The following MOB3B variants were observed in gnomAD, a reference collection of about 807,000 sequenced individuals.
The protein encoded by MOB3B is MOB kinase activator-like 2B.
Under a neutral mutation model 18.7 loss-of-function variants are expected in MOB3B, and 7 were observed. The ratio of observed to expected loss-of-function variants is 0.37; its 90% CI spans 0.21 to 0.70. MOB3B has a LOEUF of 0.70. Ranked by LOEUF, MOB3B falls within the 30% of genes least tolerant of loss-of-function variation. MOB3B has a pLI of 0.52. For missense variants in MOB3B, 253 were observed against 281.3 expected, an observed-to-expected ratio of 0.90 and a Z score of 0.72; for synonymous variants, 111 against 99.9, an observed-to-expected ratio of 1.11 and a Z score of -0.66.
chr9:27,435,652 T>A (rs1464568094), intron 2 of MOB3B, among the ~76,000 whole-genome samples: 1 of 152,140 alleles, frequency 6.6e-6, no homozygotes, highest in African/African-American at 2.4e-5. Context: ...CAGGCTGGAG[T>A]GCAGTGGCGC....
chr9:27,402,017 T>C (rs1256889977), intron 2 of MOB3B, among the ~76,000 whole-genome samples: 3 of 152,232 alleles, frequency 2.0e-5, no homozygotes, highest in Non-Finnish European at 4.4e-5. Context: ...TCAAATAAAC[T>C]GAGTTCTGCC....
chr9:27,339,793 C>T lies in MOB3B; in HGVS notation c.622-9177G>A, dbSNP rs147945402. The stretch of plus-strand genomic sequence containing the variant: ...TCTACATGTGCTGTTTCAGTTGAGT[C>T]TCTGAATCAGCGGCTGTACCACACC... On this transcript the variant is annotated intron_variant, in intron 3 of 3. Transcript: ENST00000262244. 2.2e-3 allele frequency among the ~76,000 whole-genome samples: 335 copies of T among 152,320 alleles called. 2 individuals are homozygous for T. Among genetic ancestry groups the T allele is most frequent in the African/African-American group, 7.6e-3 (317 of 41,564 alleles).
intron 1 of MOB3B, among the ~76,000 whole-genome samples, chr9:27,522,103 A>G (rs1315168735): frequency 6.6e-6 from 1 of 151,678 alleles, no homozygotes; most frequent in Admixed American, 6.6e-5. Context: ...TTAACGAGAC[A>G]TGGTGACGCG....
At chr9:27,376,329 T>TA (rs2131370929) in intron 2 of MOB3B, among the ~76,000 whole-genome samples, 1 of 152,364 alleles carries the variant, frequency 6.6e-6, no homozygotes, top group Admixed American at 6.5e-5. Flanking sequence ...CATTTTACAT[T>TA]AAGAGTTCAT....
chr9:27,365,091 A>T (rs1392116392), intron 2 of MOB3B, among the ~76,000 whole-genome samples: 2 of 150,672 alleles, frequency 1.3e-5, no homozygotes, highest in African/African-American at 4.9e-5. Flanking sequence ...CATCGATCAA[A>T]ATTGAATCAG....
intron 3 of MOB3B, among the ~76,000 whole-genome samples, chr9:27,344,564 C>A (rs751592738): frequency 6.6e-6 from 1 of 152,172 alleles, no homozygotes; most frequent in Non-Finnish European, 1.5e-5. Flanking sequence ...CAAAGGCTGT[C>A]GTAGCCGTCA....
At chr9:27,474,389 C>T (rs2131470294) in intron 1 of MOB3B, among the ~76,000 whole-genome samples, 1 of 152,272 alleles carries the variant, frequency 6.6e-6, no homozygotes, top group East Asian at 1.9e-4. Context: ...GTGGAACTTC[C>T]CTAGACATCA....
intron 1 of MOB3B, among the ~76,000 whole-genome samples, chr9:27,472,925 T>C (rs1819495362): frequency 6.6e-6 from 1 of 152,216 alleles, no homozygotes; most frequent in Admixed American, 6.5e-5. Context: ...AAAAGAAGCA[T>C]CTAAAAGTCA....
At chr9:27,368,023 C>T (rs1821362844) in intron 2 of MOB3B, among the ~76,000 whole-genome samples, 1 of 152,068 alleles carries the variant, frequency 6.6e-6, no homozygotes, top group Non-Finnish European at 1.5e-5. Flanking sequence ...ATGTGAAAAT[C>T]CCTCTACAAG....
chr9:27,442,749 G>T (rs530845555), intron 2 of MOB3B, among the ~76,000 whole-genome samples: 1 of 152,170 alleles, frequency 6.6e-6, no homozygotes, highest in Non-Finnish European at 1.5e-5. Context: ...TGCCAGCCCA[G>T]TTTGACTTTG....
At position 27,494,118 on chromosome 9, in the gene MOB3B, C is replaced by G. The variant is rs559433344; in HGVS notation, c.-199+35437G>C. On this transcript the variant is annotated intron_variant, in intron 1 of 3. Transcript: ENST00000262244. ...CCCAGTCTCCCATAGTGCTCCCAGG[C>G]TTATTAGGAAGAGGAAATTCCTGCC... Among the ~76,000 whole-genome samples the G allele has an allele frequency of 5.9e-5, 9 of 152,278 alleles. No individual in the cohort carries two copies. The South Asian group carries it at 1.9e-3, about 32-fold the overall frequency.
chr9:27,422,284 AT>A (rs1219724640), intron 2 of MOB3B, among the ~76,000 whole-genome samples: 1 of 152,238 alleles, frequency 6.6e-6, no homozygotes, highest in African/African-American at 2.4e-5. Flanking sequence ...CAGTTCATTC[AT>A]TTAATCTTCC....
At chr9:27,341,899 A>G (rs991769197) in intron 3 of MOB3B, among the ~76,000 whole-genome samples, 2 of 152,236 alleles carry the variant, frequency 1.3e-5, no homozygotes, top group African/African-American at 4.8e-5. Flanking sequence ...AGAAAATGAC[A>G]GTTCATGGGT....
intron 2 of MOB3B, among the ~76,000 whole-genome samples, chr9:27,393,748 T>A (rs1821761768): frequency 6.6e-6 from 1 of 152,156 alleles, no homozygotes; most frequent in South Asian, 2.1e-4. Context: ...ACTTTCCAGA[T>A]GAAGAAACCA....
At chr9:27,442,050 T>C (rs954940911) in intron 2 of MOB3B, among the ~76,000 whole-genome samples, 24 of 152,208 alleles carry the variant, frequency 1.6e-4, no homozygotes, top group African/African-American at 5.8e-4. Context: ...TTACTCTCTT[T>C]ACTCAAAAAT....
intron 2 of MOB3B, among the ~76,000 whole-genome samples, chr9:27,419,052 G>A (rs974964028): frequency 8.7e-6 from 1 of 115,344 alleles, no homozygotes; most frequent in South Asian, 3.3e-4. Flanking sequence ...CCCCTTTTAC[G>A]ATAGCTGCAA....
intron 3 of MOB3B, among the ~76,000 whole-genome samples, chr9:27,338,640 G>A (rs929213079): frequency 6.6e-6 from 1 of 152,164 alleles, no homozygotes; most frequent in Non-Finnish European, 1.5e-5. Flanking sequence ...GTGGCAAAGC[G>A]GGAACCGTAG....
At chr9:27,344,996 C>T (rs770569609) in intron 3 of MOB3B, among the ~76,000 whole-genome samples, 50 of 152,228 alleles carry the variant, frequency 3.3e-4, no homozygotes, top group Admixed American at 7.9e-4. Flanking sequence ...AAGCCAATGA[C>T]AAAGGAACAG....
chr9:27,399,889 A>G (rs997722301), intron 2 of MOB3B, among the ~76,000 whole-genome samples: 6 of 152,158 alleles, frequency 3.9e-5, no homozygotes, highest in African/African-American at 1.4e-4. Context: ...CCATTCCTGG[A>G]GGAAGACCTT....
Sources: gnomAD v4.1 joint callset for allele counts (sites outside exome capture counted in the v4.1 genomes callset) on GRCh38, gnomAD v4.1.1 for gene constraint, MANE v1.5 for transcripts, NCBI Gene and HGNC (gene_info 2026-07-23, HGNC 2026-07-21) for gene names.